NBPF11: variants seen among roughly 807,000 people sequenced by gnomAD.
NBPF11 encodes NBPF member 11, also known as NBPF family member NBPF11.
NBPF11 carries 72 observed loss-of-function variants against 93.9 expected under a neutral mutation model. The ratio of observed to expected loss-of-function variants is 0.77; its 90% CI spans 0.63 to 0.93. The LOEUF (loss-of-function observed/expected upper bound fraction) is 0.93. Among genes scored for constraint, NBPF11 ranks in the 40% least tolerant of loss-of-function variants. NBPF11 has a pLI of 0.00. For missense variants in NBPF11, 705 were observed against 802.2 expected (o/e 0.88, Z 1.46); for synonymous variants, 224 against 304.9 (o/e 0.73, Z 2.76).
chr1:148,106,379 G>C, intron 20 of NBPF11, 147 bp from the exon 21 acceptor site: 1 of 673,232 alleles, frequency 1.5e-6, no homozygotes, highest in South Asian at 1.7e-5. Context: ...AGGCCTGAAA[G>C]CTGGTCATGA....
chr1:148,133,327 G>A (rs1571477784), intron 4 of NBPF11, among the ~76,000 whole-genome samples: 1 of 151,834 alleles, frequency 6.6e-6, no homozygotes, highest in Non-Finnish European at 1.5e-5. Flanking sequence ...TTACTTTATT[G>A]CATTGACTTA....
intron 1 of NBPF11, chr1:148,149,703 G>C (rs1387047524): frequency 4.9e-6 from 3 of 609,330 alleles, no homozygotes; most frequent in Non-Finnish European, 8.6e-6. Context: ...GGCTGTGGAC[G>C]ATGTACAGGC....
At chr1:148,144,799 C>T (rs1672739494) in intron 1 of NBPF11, among the ~76,000 whole-genome samples, 1 of 151,736 alleles carries the variant, frequency 6.6e-6, no homozygotes, top group South Asian at 2.1e-4. Context: ...ACAGGAAGAC[C>T]CTGTCTACAA....
intron 1 of NBPF11, among the ~76,000 whole-genome samples, chr1:148,145,706 C>A (rs1373031839): frequency 6.6e-6 from 1 of 151,308 alleles, no homozygotes; most frequent in Admixed American, 6.6e-5. Context: ...TGGCAAAACC[C>A]CATGTCTAGT....
At position 148,103,512 on chromosome 1, in the gene NBPF11, G is replaced by C. The variant is rs1349844224; in HGVS notation, c.*384C>G. ...GTCCATTGTCTTCAGACTGAGCACAGGTTGCCACTGGCATGCTCTGAGAAT... is the reference window on the plus strand; with the variant it reads ...GTCCATTGTCTTCAGACTGAGCACACGTTGCCACTGGCATGCTCTGAGAAT... On this transcript the variant is annotated 3_prime_UTR_variant, in exon 24 of 24. Coordinates refer to ENST00000682118, the MANE Select transcript of NBPF11 (RefSeq NM_001385469.3). 4 of 1,372,312 alleles carry C rather than the reference G, an allele frequency of 2.9e-6. No homozygotes were observed. In the Admixed American group the frequency reaches 5.8e-5, roughly 20 times the overall value. 85.0% of individuals were successfully genotyped at this position (1,372,312 alleles called of 1,614,324 possible).
chr1:148,134,812 G>A (rs1461295046), intron 4 of NBPF11, among the ~76,000 whole-genome samples: 11 of 151,926 alleles, frequency 7.2e-5, no homozygotes, highest in African/African-American at 2.7e-4. Flanking sequence ...CAAGAGAATA[G>A]AAGAGATGCT....
chr1:148,146,460 C>T, intron 1 of NBPF11: 1 of 1,604,568 alleles, frequency 6.2e-7, no homozygotes, highest in Non-Finnish European at 8.5e-7. Context: ...CCGGCCGCAT[C>T]GCTGCCAAGC....
Position 148,103,737 on chromosome 1 carries a change from T to G in NBPF11, c.*159A>C. On this transcript the variant is annotated 3_prime_UTR_variant, in exon 24 of 24. Transcript: ENST00000682118. ...CTTCTCACCGTCAAAGTAAAAAACCTATTGTCCATGTCAAGGGCAAAGCTG... is the reference window on the plus strand; with the variant it reads ...CTTCTCACCGTCAAAGTAAAAAACCGATTGTCCATGTCAAGGGCAAAGCTG... 1.2e-6 allele frequency: 2 copies of G among 1,611,640 alleles called. No individual in the cohort carries two copies. Among genetic ancestry groups the G allele is most frequent in the Non-Finnish European group, 1.7e-6 (2 of 1,179,380 alleles).
chr1:148,150,153 CTT>C (rs56775503), intron 1 of NBPF11, among the ~76,000 whole-genome samples: 36 of 134,928 alleles, frequency 2.7e-4, no homozygotes, highest in African/African-American at 2.2e-4. Flanking sequence ...ATGACCTGTA[CTT>C]TTTTTTTTTT....
chr1:148,106,759 C>A (rs1300168642), intron 20 of NBPF11, among the ~76,000 whole-genome samples, 183 bp downstream of exon 20: 6 of 148,660 alleles, frequency 4.0e-5, no homozygotes, highest in African/African-American at 1.0e-4. Context: ...GCCTTGCTCA[C>A]TGACCCATTT....
rs1663826812 is a variant in NBPF11, at chr1:148,107,043, G to A, written c.2150C>T (p.Thr717Ile). The change falls in exon 20 of 24, where the codon ACT (threonine) becomes ATT (isoleucine). Residue 717 changes from threonine to isoleucine, a missense_variant. Physicochemically the swap from Thr to Ile is moderately conservative, Grantham distance 89. This residue lies in a region of NBPF11 where 5 missense variants were observed against 30.0 expected (regional missense o/e 0.17). Transcript: ENST00000682118. ...AGGCAGTTCAAGATAACCTGAAGGA[G>A]TCGAATAACATCTATCCAGTGAGTC... is the stretch of plus-strand genomic sequence containing the variant. Reference protein sequence around the residue: ...LQDSLDRCYSTPSGYLELPDL... With the variant: ...LQDSLDRCYSIPSGYLELPDL... 1.6e-6 allele frequency: 1 copy of A among 630,988 alleles called. No homozygotes were observed. The highest frequency in any genetic ancestry group is 2.3e-5 in the African/African-American group (1 of 44,014). The allele number at this position is 630,988 out of a possible 1,614,324, so 39.1% of individuals were successfully genotyped here. A position where few individuals can be genotyped will look rare whatever the true frequency, so the allele number is the denominator to read the frequency against.
intron 1 of NBPF11, chr1:148,149,610 G>A (rs1369384427): frequency 9.1e-5 from 142 of 1,567,920 alleles, no homozygotes; most frequent in South Asian, 8.6e-4. Flanking sequence ...GGCGGCCCCC[G>A]GACCTCACCC....
chr1:148,149,391 G>C (rs1553277524), intron 1 of NBPF11: 265,147 of 1,406,250 alleles, frequency 0.19, 42,919 homozygotes, highest in African/African-American at 0.45. Context: ...ATCCACGGCA[G>C]GGAGGACGAG....
chr1:148,138,582 AG>A lies in NBPF11; in HGVS notation c.-276-774del, dbSNP rs1293144438. Among the ~76,000 whole-genome samples, 390 of 151,812 alleles carry A rather than the reference AG, an allele frequency of 2.6e-3. 1 individual carries two copies. Among genetic ancestry groups the A allele is most frequent in the Non-Finnish European group, 4.9e-3 (333 of 68,004 alleles). On this transcript the variant is annotated intron_variant, in intron 2 of 23. Transcript: ENST00000682118. The stretch of plus-strand genomic sequence containing the variant: ...ACTCTTAACAAGCATGCTGCCTTCA[AG>A]CATTTGTTTAACAAAGCACACCCTG...
In NBPF11 at chr1:148,147,793, G is replaced by A. The variant is rs1241736313; in HGVS notation, c.-549+3957C>T. On this transcript the variant is annotated intron_variant, in intron 1 of 23. Transcript: ENST00000682118. ...TCCAGGGGCCTCCCGGCAGTTGTGG[G>A]ACGCTGACACCAATCACCACTTCAT... Among the ~76,000 whole-genome samples the A allele has an allele frequency of 1.2e-4, 18 of 151,966 alleles. No homozygotes were observed. In the East Asian group the frequency reaches 3.3e-3, roughly 28 times the overall value.
intron 7 of NBPF11, 111 bp downstream of exon 7, chr1:148,123,742 T>C (rs1183984040): frequency 6.8e-6 from 11 of 1,609,776 alleles, no homozygotes; most frequent in East Asian, 2.2e-5. Context: ...TGGCCACATA[T>C]GTGTAGTAGA....
intron 2 of NBPF11, among the ~76,000 whole-genome samples, chr1:148,139,009 T>G (rs1189568173): frequency 8.3e-4 from 126 of 151,130 alleles, no homozygotes; most frequent in Non-Finnish European, 1.4e-3. Context: ...GAGAATCACT[T>G]GAACTCAGGA....
chr1:148,151,053 C>G (rs1190113314), intron 1 of NBPF11, among the ~76,000 whole-genome samples: 1 of 151,824 alleles, frequency 6.6e-6, no homozygotes, highest in East Asian at 1.9e-4. Context: ...AACCATTCCT[C>G]GCTTGGTTAA....
At chr1:148,126,448 A>C (rs1255709710) in intron 5 of NBPF11, among the ~76,000 whole-genome samples, 56 of 151,680 alleles carry the variant, frequency 3.7e-4, no homozygotes, top group Admixed American at 6.6e-4. Context: ...GTTGGGCCTC[A>C]ACAGAAACTT....
Sources: allele counts gnomAD v4.1 joint callset (sites outside exome capture counted in the v4.1 genomes callset), GRCh38; gene constraint gnomAD v4.1.1; regional missense constraint gnomAD v4.1.1; transcripts MANE v1.5; gene names NCBI Gene and HGNC (gene_info 2026-07-23, HGNC 2026-07-21).